Variants in CDH4 observed in about 807,000 individuals in gnomAD.
The protein encoded by CDH4 is cadherin 4.
Under a neutral mutation model 86.0 loss-of-function variants are expected in CDH4, and 33 were observed. The ratio of observed to expected loss-of-function variants is 0.38; its 90% CI spans 0.29 to 0.51. The LOEUF (loss-of-function observed/expected upper bound fraction) is 0.51. CDH4 is among the 20% of genes least tolerant of loss of function. CDH4 has a pLI of 0.86. For synonymous variants in CDH4, 555 were observed against 549.4 expected, an observed-to-expected ratio of 1.01 and a Z score of -0.14; for missense variants, 1,114 against 1,307.4, an observed-to-expected ratio of 0.85 and a Z score of 2.28.
chr20:61,585,956 ATGATGG>A (rs1478995564), intron 2 of CDH4, among the ~76,000 whole-genome samples: 7 of 140,580 alleles, frequency 5.0e-5, no homozygotes, highest in South Asian at 2.5e-4. Context: ...GATGAGGAGG[ATGATGG>A]TGATGGTGAT....
intron 5 of CDH4, among the ~76,000 whole-genome samples, chr20:61,847,942 C>A (rs1021765488): frequency 6.6e-6 from 1 of 152,230 alleles, no homozygotes; most frequent in African/African-American, 2.4e-5. Context: ...AGGCCCACCT[C>A]CAACACTGGA....
intron 2 of CDH4, among the ~76,000 whole-genome samples, chr20:61,334,510 G>T (rs6028121): frequency 1.3e-5 from 2 of 151,684 alleles, no homozygotes; most frequent in African/African-American, 4.8e-5. Flanking sequence ...GGCCGGGGGG[G>T]CTGGGATCAA....
chr20:61,652,934 A>ATTTTTTTTTTTTTTTTTTTTTTTTTTTT lies in CDH4; in HGVS notation c.170-90626_170-90625insTTTTTTTTTTTTTTTTTTTTTTTTTTTT, dbSNP rs1378064808. ...AGTGTTTGAATTTATTTATTTATTT[A>ATTTTTTTTTTTTTTTTTTTTTTTTTTTT]TTTATTTTTTTTTTTTTTTTTATTG... is the stretch of plus-strand genomic sequence containing the variant. On this transcript the variant is annotated intron_variant, in intron 2 of 15. Coordinates refer to ENST00000614565, the MANE Select transcript of CDH4 (RefSeq NM_001794.5). Among the ~76,000 whole-genome samples the ATTTTTTTTTTTTTTTTTTTTTTTTTTTT allele has an allele frequency of 3.2e-4, 33 of 103,066 alleles. 1 individual carries two copies. The highest frequency in any genetic ancestry group is 5.5e-4 in the South Asian group (2 of 3,634). 67.6% of individuals were successfully genotyped at this position (103,066 alleles called of 152,430 possible). A position where few individuals can be genotyped will look rare whatever the true frequency, so the allele number is the denominator to read the frequency against.
At chr20:61,799,568 C>A (rs79438404) in intron 4 of CDH4, among the ~76,000 whole-genome samples, 3,113 of 152,254 alleles carry the variant, frequency 0.02, 111 homozygotes, top group African/African-American at 0.071. Context: ...GCTGCTCTCT[C>A]CCACGTCTCA....
chr20:61,818,284 G>T (rs897964047), intron 4 of CDH4, among the ~76,000 whole-genome samples: 3 of 152,222 alleles, frequency 2.0e-5, no homozygotes, highest in African/African-American at 7.2e-5. Context: ...GGGGTGTGGG[G>T]GAGGCCCTCT....
At chr20:61,445,044 C>T (rs1367939669) in intron 2 of CDH4, among the ~76,000 whole-genome samples, 3 of 151,998 alleles carry the variant, frequency 2.0e-5, no homozygotes, top group African/African-American at 4.8e-5. Flanking sequence ...TGTGCGTGCA[C>T]GCATGTGTTG....
chr20:61,481,416 T>A (rs1370715027), intron 2 of CDH4, among the ~76,000 whole-genome samples: 1 of 152,226 alleles, frequency 6.6e-6, no homozygotes, highest in East Asian at 1.9e-4. Context: ...CCATTGCAAA[T>A]AAAATCTCAG....
intron 2 of CDH4, among the ~76,000 whole-genome samples, chr20:61,343,497 C>T (rs1040682199): frequency 1.3e-5 from 2 of 152,156 alleles, no homozygotes; most frequent in East Asian, 1.9e-4. Context: ...TCTCAAGCAA[C>T]GTTTGTGATG....
chr20:61,848,016 C>T (rs542454056), intron 5 of CDH4, among the ~76,000 whole-genome samples: 13 of 152,368 alleles, frequency 8.5e-5, no homozygotes, highest in South Asian at 2.1e-4. Context: ...CACCTCCATT[C>T]GTCTGTTTAT....
chr20:61,881,943 CAG>C (rs547394130), intron 7 of CDH4, among the ~76,000 whole-genome samples: 179 of 152,336 alleles, frequency 1.2e-3, no homozygotes, highest in Middle Eastern at 6.8e-3. Context: ...GAGGGAGACA[CAG>C]GGGAGAAGGC....
At chr20:61,636,881 G>A (rs6061687) in intron 2 of CDH4, among the ~76,000 whole-genome samples, 3,813 of 152,214 alleles carry the variant, frequency 0.025, 142 homozygotes, top group African/African-American at 0.087. Context: ...GCTAGCTGGG[G>A]GCCCACCCTC....
At chr20:61,538,577 G>T (rs1009484186) in intron 2 of CDH4, among the ~76,000 whole-genome samples, 5 of 152,176 alleles carry the variant, frequency 3.3e-5, no homozygotes, top group Admixed American at 6.5e-5. Flanking sequence ...GGTGCCTCCT[G>T]GGTGGATGCA....
chr20:61,274,089 GT>G, intron 2 of CDH4, among the ~76,000 whole-genome samples: 1 of 137,778 alleles, frequency 7.3e-6, no homozygotes, highest in South Asian at 2.5e-4. Flanking sequence ...ACTGTGTGCA[GT>G]TTTGGGGAGT....
chr20:61,617,501 G>A (rs559796545), intron 2 of CDH4, among the ~76,000 whole-genome samples: 1 of 152,350 alleles, frequency 6.6e-6, no homozygotes, highest in South Asian at 2.1e-4. Context: ...CCGTTTTCAA[G>A]AAGTCATAGG....
chr20:61,259,465 G>C (rs1480544920), intron 2 of CDH4, among the ~76,000 whole-genome samples: 1 of 152,222 alleles, frequency 6.6e-6, no homozygotes, highest in African/African-American at 2.4e-5. Context: ...CCTAATGCAT[G>C]GTGGCTGTGA....
At chr20:61,306,790 C>G (rs1458959687) in intron 2 of CDH4, among the ~76,000 whole-genome samples, 2 of 152,180 alleles carry the variant, frequency 1.3e-5, no homozygotes, top group Admixed American at 6.5e-5. Context: ...GGTCCTCACA[C>G]CCTTCCACCT....
intron 2 of CDH4, among the ~76,000 whole-genome samples, chr20:61,294,213 G>A (rs2427040): frequency 0.32 from 48,717 of 152,072 alleles, 8,106 homozygotes; most frequent in Middle Eastern, 0.37. Context: ...AGGCTGGGGG[G>A]TCTGCCCGTG....
At chr20:61,384,448 C>T (rs868156506) in intron 2 of CDH4, among the ~76,000 whole-genome samples, 6 of 152,172 alleles carry the variant, frequency 3.9e-5, no homozygotes, top group East Asian at 1.9e-4. Flanking sequence ...GCTTCCACAG[C>T]GTGGTCTGGC....
At chr20:61,912,314 A>C (rs1335142427) in intron 9 of CDH4, among the ~76,000 whole-genome samples, 1 of 152,234 alleles carries the variant, frequency 6.6e-6, no homozygotes, top group Non-Finnish European at 1.5e-5. Flanking sequence ...AGATGTTAGG[A>C]GATCACAGGG....
Sources: allele counts gnomAD v4.1 joint callset (sites outside exome capture counted in the v4.1 genomes callset), GRCh38; gene constraint gnomAD v4.1.1; transcripts MANE v1.5; gene names NCBI Gene and HGNC (gene_info 2026-07-23, HGNC 2026-07-21).